Variants in SIK3 observed in about 807,000 individuals in gnomAD.
SIK3 encodes serine/threonine-protein kinase SIK3.
SIK3 carries 28 observed loss-of-function variants against 144.2 expected under a neutral mutation model. That is an observed-to-expected ratio of 0.19 (90% CI 0.14 to 0.27). SIK3 has a LOEUF of 0.27. SIK3 is among the 10% of genes least tolerant of loss of function. SIK3 has a pLI of 1.00. For missense variants in SIK3, 1,319 were observed against 1,776.0 expected, an observed-to-expected ratio of 0.74 and a Z score of 4.62; for synonymous variants, 686 against 676.3, an observed-to-expected ratio of 1.01 and a Z score of -0.22.
intron 1 of SIK3, among the ~76,000 whole-genome samples, chr11:116,958,289 G>C (rs970739430): frequency 2.0e-5 from 3 of 152,208 alleles, no homozygotes; most frequent in Non-Finnish European, 4.4e-5. Flanking sequence ...AGATTATTCA[G>C]ATGTATAAAT....
rs755559108 is a variant in SIK3 at position 116,857,996 on chromosome 11, G to T, written c.3469C>A (p.Gln1157Lys). Reference sequence around the variant, plus strand: ...AATGTACTTGAACTCTTACTGTCTTGGAAGCCATCCTTGGCCCCCTCACAC... The same window carrying T: ...AATGTACTTGAACTCTTACTGTCTTTGAAGCCATCCTTGGCCCCCTCACAC... ...CSCEGAKDGF[Q>K]DSKSSSTLTK... is the part of the protein sequence containing the mutation. The change falls in exon 21 of 25, where the codon CAA (glutamine) becomes AAA (lysine). Residue 1157 changes from glutamine (Q) to lysine (K), a missense_variant. Transcript: ENST00000445177. The T allele has an allele frequency of 1.2e-6, 2 of 1,614,124 alleles. No homozygotes were observed. Among genetic ancestry groups the T allele is most frequent in the Non-Finnish European group, 1.7e-6 (2 of 1,179,994 alleles).
At chr11:116,987,998 T>G (rs572965303) in intron 1 of SIK3, among the ~76,000 whole-genome samples, 1 of 152,188 alleles carries the variant, frequency 6.6e-6, no homozygotes, top group Non-Finnish European at 1.5e-5. Context: ...CTGTGAGAAG[T>G]AGAAAGATCT....
At chr11:117,034,493 T>C (rs80176870) in intron 1 of SIK3, among the ~76,000 whole-genome samples, 3,745 of 152,322 alleles carry the variant, frequency 0.025, 86 homozygotes, top group South Asian at 0.11. Context: ...AGTATTTAGA[T>C]CACTTTTTAG....
chr11:116,954,008 C>A, intron 3 of SIK3, 36 bp downstream of exon 3: 1 of 1,567,068 alleles, frequency 6.4e-7, no homozygotes, highest in Non-Finnish European at 8.8e-7. Context: ...ATAGTGTGCT[C>A]AATAGCTGTT....
intron 4 of SIK3, among the ~76,000 whole-genome samples, chr11:116,922,428 T>G (rs1324022048): frequency 6.6e-6 from 1 of 152,116 alleles, no homozygotes; most frequent in Admixed American, 6.5e-5. Flanking sequence ...GAGGCTGAGG[T>G]TGCAGTGAGC....
chr11:117,082,157 A>G (rs1954817942), intron 1 of SIK3, among the ~76,000 whole-genome samples: 1 of 152,238 alleles, frequency 6.6e-6, no homozygotes. Context: ...TAGACAGAAC[A>G]GAAACCCTCA....
chr11:117,025,242 A>G (rs957571836), intron 1 of SIK3, among the ~76,000 whole-genome samples: 13 of 152,206 alleles, frequency 8.5e-5, no homozygotes, highest in Admixed American at 2.6e-4. Flanking sequence ...CTTGAAAAAA[A>G]TCACTGATCC....
rs922539325 is a variant in SIK3 at position 116,845,273 on chromosome 11, G to A, written c.*370C>T. ...CTCCTGTTTCAAAAAAGGAACGAAA[G>A]AAAAAAAAGAAAGGAAGAAAAAAAA... On this transcript the variant is annotated 3_prime_UTR_variant, in exon 25 of 25. Coordinates refer to ENST00000445177, the MANE Select transcript of SIK3 (RefSeq NM_001366686.3). 6.0e-4 allele frequency: 87 copies of A among 144,182 alleles called. No homozygotes were observed. Among genetic ancestry groups the A allele is most frequent in the Admixed American group, 5.4e-3 (81 of 14,926 alleles). 8.9% of individuals were successfully genotyped at this position (144,182 alleles called of 1,614,324 possible).
intron 1 of SIK3, among the ~76,000 whole-genome samples, chr11:117,065,117 C>G (rs1206987792): frequency 6.6e-6 from 1 of 151,556 alleles, no homozygotes; most frequent in Non-Finnish European, 1.5e-5. Flanking sequence ...CCACTGCACT[C>G]CAGCCTGGGT....
chr11:116,846,300 C>T lies in SIK3; in HGVS notation c.*13+83G>A. On this transcript the variant is annotated intron_variant, in intron 24 of 24. Transcript: ENST00000445177. This position sits in a 1 kb window ranked among gnomAD's most constrained non-coding sequence, Gnocchi z 4.1. ...CTGTCGACTGCACTGGCCACCACAA[C>T]ACATGGGCTGAAGCTCCTGATGGGA... The T allele has an allele frequency of 6.9e-7, 1 of 1,455,566 alleles. No individual in the cohort carries two copies. The highest frequency in any genetic ancestry group is 1.8e-5 in the Admixed American group (1 of 55,242). The allele number at this position is 1,455,566 out of a possible 1,614,324, so 90.2% of individuals were successfully genotyped here. A position where few individuals can be genotyped will look rare whatever the true frequency, so the allele number is the denominator to read the frequency against.
chr11:116,870,686 GACATA>G lies in SIK3; in HGVS notation c.1738-290_1738-286del, dbSNP rs527637335. Among the ~76,000 whole-genome samples the G allele has an allele frequency of 1.6e-4, 25 of 152,234 alleles. No homozygotes were observed. In the East Asian group the frequency reaches 3.3e-3, roughly 20 times the overall value. On this transcript the variant is annotated intron_variant, in intron 13 of 24. Transcript: ENST00000445177. The stretch of plus-strand genomic sequence containing the variant: ...TTACAGGATAAAATGTGAATTTACA[GACATA>G]GACCTTGCCCTCATTTTACAGTCTA...
At chr11:117,052,660 T>C (rs976700094) in intron 1 of SIK3, among the ~76,000 whole-genome samples, 3 of 152,254 alleles carry the variant, frequency 2.0e-5, no homozygotes, top group Non-Finnish European at 1.5e-5. Flanking sequence ...CCTTGGATTG[T>C]ATCCCTTTAA....
At chr11:116,917,656 C>T (rs1946719039) in intron 4 of SIK3, among the ~76,000 whole-genome samples, 2 of 151,358 alleles carry the variant, frequency 1.3e-5, no homozygotes, top group African/African-American at 2.4e-5. Context: ...TTACAGTGAG[C>T]TATGACTGCA....
At chr11:116,957,181 T>A in intron 1 of SIK3, 117 bp from the exon 2 acceptor site, 3 of 538,606 alleles carry the variant, frequency 5.6e-6, no homozygotes, top group Non-Finnish European at 9.8e-6. Flanking sequence ...AGTATTCTGT[T>A]TACAGAATGT....
chr11:117,016,377 AGGG>A (rs1455487454), intron 1 of SIK3, among the ~76,000 whole-genome samples: 1 of 76,892 alleles, frequency 1.3e-5, no homozygotes, highest in Admixed American at 1.4e-4. Context: ...AAGGAGAGGG[AGGG>A]AGAGAGGGAG....
Position 116,875,993 on chromosome 11 carries a change from G to C in SIK3, c.1112C>G (p.Ala371Gly). 1 of 1,613,354 alleles carries C rather than the reference G, an allele frequency of 6.2e-7. No homozygotes were observed. The highest frequency in any genetic ancestry group is 1.7e-5 in the Admixed American group (1 of 59,688). The change falls in exon 9 of 25, where the codon GCC (alanine) becomes GGC (glycine). Residue 371 changes from alanine to glycine, a missense_variant. Physicochemically the swap from Ala to Gly is moderately conservative, Grantham distance 60. Coordinates refer to ENST00000445177, the MANE Select transcript of SIK3 (RefSeq NM_001366686.3). ...EQTLQSLRSD[A>G]YDHYSAIYSL... Reference sequence around the variant, plus strand: ...GTAGATTGCACTATAGTGATCATAGGCATCTGATCTTAATGACTACCAAGA... The same window carrying C: ...GTAGATTGCACTATAGTGATCATAGCCATCTGATCTTAATGACTACCAAGA...
At chr11:117,032,782 C>G (rs745943364) in intron 1 of SIK3, among the ~76,000 whole-genome samples, 2 of 151,552 alleles carry the variant, frequency 1.3e-5, no homozygotes, top group Non-Finnish European at 2.9e-5. Flanking sequence ...TATGAATATA[C>G]CACCATTTAT....
intron 21 of SIK3, among the ~76,000 whole-genome samples, chr11:116,851,271 A>C (rs1942416577): frequency 6.6e-6 from 1 of 152,142 alleles, no homozygotes; most frequent in Non-Finnish European, 1.5e-5. Flanking sequence ...CTTGGAAACT[A>C]CTGAGCTTAT....
chr11:116,846,816 G>C lies in SIK3; in HGVS notation c.3953-263C>G, dbSNP rs759736197. The stretch of plus-strand genomic sequence containing the variant: ...CCATCCTTAGGTAAGATCAACTACT[G>C]TAGTGTGAGAGAAGATAGAGGACTC... On this transcript the variant is annotated intron_variant, in intron 23 of 24. Coordinates refer to ENST00000445177, the MANE Select transcript of SIK3 (RefSeq NM_001366686.3). This position sits in a 1 kb window ranked among gnomAD's most constrained non-coding sequence, Gnocchi z 4.1. Among the ~76,000 whole-genome samples, 1 of 152,142 alleles carries C rather than the reference G, an allele frequency of 6.6e-6. No individual in the cohort carries two copies. Among genetic ancestry groups the C allele is most frequent in the Non-Finnish European group, 1.5e-5 (1 of 68,018 alleles).
Sources: gnomAD v4.1 joint callset for allele counts (sites outside exome capture counted in the v4.1 genomes callset) on GRCh38, gnomAD v4.1.1 for gene constraint, Gnocchi (gnomAD v3.1) non-coding constraint, MANE v1.5 for transcripts, NCBI Gene and HGNC (gene_info 2026-07-23, HGNC 2026-07-21) for gene names.